The following SC5D variants were observed in gnomAD, a reference collection of about 807,000 sequenced individuals.
SC5D encodes the protein sterol-C5-desaturase.
In SC5D, 21 loss-of-function variants were observed where a neutral mutation model predicts 23.9. The observed-to-expected ratio is 0.88, with a 90% confidence interval of 0.62 to 1.26. The LOEUF (loss-of-function observed/expected upper bound fraction) is 1.26, where lower values mean the gene tolerates loss of function less well. Among genes scored for constraint, SC5D ranks in the 50% most tolerant of loss-of-function variants. SC5D has a pLI of 0.00. For missense variants in SC5D, 309 were observed against 364.8 expected (o/e 0.85, Z 1.25); for synonymous variants, 113 against 125.9 (o/e 0.90, Z 0.68).
chr11:121,300,354 A>G (rs1198328469), intron 1 of SC5D, among the ~76,000 whole-genome samples: 1 of 152,210 alleles, frequency 6.6e-6, no homozygotes, highest in Non-Finnish European at 1.5e-5. Context: ...CACAGTAACT[A>G]TGAAAAACAG....
At chr11:121,298,537 CT>C (rs1384722420) in intron 1 of SC5D, among the ~76,000 whole-genome samples, 1 of 152,176 alleles carries the variant, frequency 6.6e-6, no homozygotes, top group African/African-American at 2.4e-5. Flanking sequence ...TTTTCTATCA[CT>C]AATGAGGTGA....
At chr11:121,299,551 A>G (rs1177026030) in intron 1 of SC5D, among the ~76,000 whole-genome samples, 1 of 152,234 alleles carries the variant, frequency 6.6e-6, no homozygotes, top group Non-Finnish European at 1.5e-5. Flanking sequence ...CATTTACAGT[A>G]TGTACTTATC....
At chr11:121,293,105 G>C (rs1294458761) in intron 1 of SC5D, 1 of 152,460 alleles carries the variant, frequency 6.6e-6, no homozygotes, top group Non-Finnish European at 1.5e-5. Flanking sequence ...AAGACTGGCG[G>C]CGAGGGCTGG....
At position 121,311,199 on chromosome 11, in the gene SC5D, A is replaced by G. The variant is rs1302816424; in HGVS notation, c.*3687A>G. ...GTTCAATAAATACTTTGTTGAATTT[A>G]TTAATAAAATGGCAGAAATGTCATT... On this transcript the variant is annotated 3_prime_UTR_variant, in exon 5 of 5. Coordinates refer to ENST00000264027, the MANE Select transcript of SC5D (RefSeq NM_006918.5). 6.6e-6 allele frequency among the ~76,000 whole-genome samples: 1 copy of G among 152,256 alleles called. No homozygotes were observed. Among genetic ancestry groups the G allele is most frequent in the African/African-American group, 2.4e-5 (1 of 41,468 alleles).
chr11:121,306,195 G>A, intron 3 of SC5D, 191 bp from the exon 4 acceptor site: 1 of 579,732 alleles, frequency 1.7e-6, no homozygotes. Context: ...CTTATGCGAG[G>A]GAAATGAGGA....
At chr11:121,304,249 G>T in intron 2 of SC5D, 112 bp from the exon 3 acceptor site, 1 of 899,546 alleles carries the variant, frequency 1.1e-6, no homozygotes, top group Non-Finnish European at 1.8e-6. Context: ...CAGTTTGGAG[G>T]TAAGCCCCTT....
At position 121,311,439 on chromosome 11, in the gene SC5D, A is replaced by T. The variant is rs1206322565; in HGVS notation, c.*3927A>T. 6.6e-6 allele frequency among the ~76,000 whole-genome samples: 1 copy of T among 152,192 alleles called. No homozygotes were observed. Among genetic ancestry groups the T allele is most frequent in the African/African-American group, 2.4e-5 (1 of 41,460 alleles). On this transcript the variant is annotated 3_prime_UTR_variant, in exon 5 of 5. Coordinates refer to ENST00000264027, the MANE Select transcript of SC5D (RefSeq NM_006918.5). Reference sequence around the variant, plus strand: ...ATAAACTATCTTTTTTTAGTCACTCAAAGTCATAACCCTTTGGAAACAAAA... The same window carrying T: ...ATAAACTATCTTTTTTTAGTCACTCTAAGTCATAACCCTTTGGAAACAAAA...
Position 121,310,060 on chromosome 11 carries a change from G to A in SC5D, c.*2548G>A, listed in dbSNP as rs1433739779. ...TTTTCCTCCCATCTTCTAGAAGCTG[G>A]GGACAGATTTGGAAGAGAATTACAC... On this transcript the variant is annotated 3_prime_UTR_variant, in exon 5 of 5. Coordinates refer to ENST00000264027, the MANE Select transcript of SC5D (RefSeq NM_006918.5). 2.0e-5 allele frequency among the ~76,000 whole-genome samples: 3 copies of A among 152,260 alleles called. No individual in the cohort carries two copies. In the East Asian group the frequency reaches 5.8e-4, roughly 29 times the overall value.
rs190737339 is a variant in SC5D at position 121,306,716 on chromosome 11, G to A, written c.444+230G>A. 723 of 652,718 alleles carry A rather than the reference G, an allele frequency of 1.1e-3. 2 individuals carry two copies. Among genetic ancestry groups the A allele is most frequent in the African/African-American group, 0.011 (609 of 55,644 alleles). 40.4% of individuals were successfully genotyped at this position (652,718 alleles called of 1,614,324 possible). On this transcript the variant is annotated intron_variant, in intron 4 of 4. Coordinates refer to ENST00000264027, the MANE Select transcript of SC5D (RefSeq NM_006918.5). ...ACAGGTACACATGGACTTACAGAGG[G>A]AACAATAGACATTAGAGACTCCAGA...
Position 121,307,590 on chromosome 11 carries a change from A to G in SC5D, c.*78A>G. 2.0e-6 allele frequency: 2 copies of G among 994,362 alleles called. No homozygotes were observed. Among genetic ancestry groups the G allele is most frequent in the Non-Finnish European group, 2.9e-6 (2 of 681,838 alleles). The allele number at this position is 994,362 out of a possible 1,614,324, so 61.6% of individuals were successfully genotyped here. On this transcript the variant is annotated 3_prime_UTR_variant, in exon 5 of 5. Coordinates refer to ENST00000264027, the MANE Select transcript of SC5D (RefSeq NM_006918.5). ...TTCTTTTTTTTAATAAGGAAAAAATAATATCCATACAGTCAAGATACATAG... is the reference window on the plus strand; with the variant it reads ...TTCTTTTTTTTAATAAGGAAAAAATGATATCCATACAGTCAAGATACATAG...
rs560438509 is a variant in SC5D at position 121,312,825 on chromosome 11, G to GC, written c.*5319dup. ...AAGCCATTTATTTAGATGTAAACTT[G>GC]CCCCCCTGACATGTGGTATGAAACA... On this transcript the variant is annotated 3_prime_UTR_variant, in exon 5 of 5. Transcript: ENST00000264027. Among the ~76,000 whole-genome samples the GC allele has an allele frequency of 6.6e-6, 1 of 151,716 alleles. No homozygotes were observed. Among genetic ancestry groups the GC allele is most frequent in the Non-Finnish European group, 1.5e-5 (1 of 67,964 alleles).
In SC5D at chr11:121,308,210, G is replaced by C. The variant is rs77621723; in HGVS notation, c.*698G>C. 1 of 152,060 alleles carries C rather than the reference G, an allele frequency of 6.6e-6. No individual in the cohort carries two copies. 9.4% of individuals were successfully genotyped at this position (152,060 alleles called of 1,614,324 possible). On this transcript the variant is annotated 3_prime_UTR_variant, in exon 5 of 5. Transcript: ENST00000264027. ...ATCGATATCACCATGATTTAATCCA[G>C]ATCTGGGATTATGTAGCTAAACATT...
At chr11:121,299,908 A>C (rs1483527324) in intron 1 of SC5D, among the ~76,000 whole-genome samples, 1 of 152,194 alleles carries the variant, frequency 6.6e-6, no homozygotes, top group Non-Finnish European at 1.5e-5. Flanking sequence ...TGAATAAATA[A>C]ATAATAAAAA....
intron 3 of SC5D, chr11:121,304,747 G>A (rs1266872490): frequency 1.1e-5 from 4 of 373,440 alleles, no homozygotes; most frequent in African/African-American, 2.1e-5. Flanking sequence ...ATGGGTCCTT[G>A]CATTTGTTTT....
rs761361460 is a variant in SC5D, at chr11:121,307,501, A to G, written c.889A>G (p.Lys297Glu). ...AAAATTATTCAATGGAGAGTTTACA[A>G]AGACTGAATAGATTATTGCCCAGTT... ...NEKLFNGEFT[K>E]TE The change falls in exon 5 of 5, where the codon AAG (lysine) becomes GAG (glutamate). Residue 297 changes from lysine (K) to glutamate (E), a missense_variant. Transcript: ENST00000264027. 8 of 1,591,722 alleles carry G rather than the reference A, an allele frequency of 5.0e-6. No homozygotes were observed. The Admixed American group carries it at 5.2e-5, about 10-fold the overall frequency.
rs1038718822 is a variant in SC5D at position 121,312,232 on chromosome 11, T to A, written c.*4720T>A. Among the ~76,000 whole-genome samples the A allele has an allele frequency of 2.0e-5, 3 of 152,198 alleles. No individual in the cohort carries two copies. Among genetic ancestry groups the A allele is most frequent in the Non-Finnish European group, 2.9e-5 (2 of 68,008 alleles). Reference sequence around the variant, plus strand: ...AACCATGTGTCAACAAGCTTTACTGTCAAAGCAGGCTTTTGGTATGGGAAG... The same window carrying A: ...AACCATGTGTCAACAAGCTTTACTGACAAAGCAGGCTTTTGGTATGGGAAG... On this transcript the variant is annotated 3_prime_UTR_variant, in exon 5 of 5. Coordinates refer to ENST00000264027, the MANE Select transcript of SC5D (RefSeq NM_006918.5).
At chr11:121,293,813 T>TC (rs1446110254) in intron 1 of SC5D, among the ~76,000 whole-genome samples, 1 of 152,222 alleles carries the variant, frequency 6.6e-6, no homozygotes, top group Non-Finnish European at 1.5e-5. Context: ...GGGGTGGTAC[T>TC]CAGAATCCCT....
chr11:121,305,579 T>C (rs1947957925), intron 3 of SC5D: 1 of 152,114 alleles, frequency 6.6e-6, no homozygotes, highest in South Asian at 2.1e-4. Flanking sequence ...TACAAAAAAT[T>C]AGCGGGGTGT....
At chr11:121,297,395 A>G (rs1208721402) in intron 1 of SC5D, among the ~76,000 whole-genome samples, 1 of 152,254 alleles carries the variant, frequency 6.6e-6, no homozygotes, top group Non-Finnish European at 1.5e-5. Context: ...ACAGGTCCAT[A>G]GTCCCTAGTC....
Sources: allele counts gnomAD v4.1 joint callset (sites outside exome capture counted in the v4.1 genomes callset), GRCh38; gene constraint gnomAD v4.1.1; transcripts MANE v1.5; gene names NCBI Gene and HGNC (gene_info 2026-07-23, HGNC 2026-07-21).